NBAS: variants seen among roughly 807,000 people sequenced by gnomAD.
NBAS encodes the protein NAG/BC035112 fusion.
NBAS carries 219 observed loss-of-function variants against 302.5 expected under a neutral mutation model. The observed-to-expected ratio is 0.72, with a 90% CI of 0.65 to 0.81. The LOEUF is 0.81. NBAS is among the 30% of genes least tolerant of loss of function. The pLI is 0.00. For missense variants in NBAS, 2,932 were observed against 2,841.6 expected (o/e 1.03, Z -0.72); for synonymous variants, 1,118 against 1,021.6 (o/e 1.09, Z -1.80).
the NBAS span, among the ~76,000 whole-genome samples, chr2:14,961,131 C>A: frequency 6.6e-6 from 1 of 152,040 alleles, no homozygotes; most frequent in Non-Finnish European, 1.5e-5. Flanking sequence ...GTCAGCTGCC[C>A]CCTAGTTTCC....
chr2:14,780,067 A>G, the NBAS span, among the ~76,000 whole-genome samples: 1 of 152,194 alleles, frequency 6.6e-6, no homozygotes, highest in East Asian at 1.9e-4. Flanking sequence ...TGTGGAGAGC[A>G]GAACTGAAAG....
chr2:15,424,634 A>G (rs917046803), intron 22 of NBAS, among the ~76,000 whole-genome samples, 166 bp from the exon 23 acceptor site: 4 of 152,204 alleles, frequency 2.6e-5, no homozygotes, highest in African/African-American at 9.6e-5. Flanking sequence ...TTACAAGATA[A>G]ATGAGACTTT....
intron 9 of NBAS, among the ~76,000 whole-genome samples, chr2:15,524,632 C>T (rs7581919): frequency 0.97 from 147,114 of 152,238 alleles, 71,104 homozygotes; most frequent in East Asian, 1. Flanking sequence ...AGACGACAAC[C>T]AAATGAAATT....
At chr2:14,979,012 T>C in the NBAS span, among the ~76,000 whole-genome samples, 1 of 152,202 alleles carries the variant, frequency 6.6e-6, no homozygotes, top group Non-Finnish European at 1.5e-5. Flanking sequence ...CCATTAGTCA[T>C]AGCCCAGGTT....
chr2:15,009,693 C>CATATATATATAT, the NBAS span, among the ~76,000 whole-genome samples: 3,868 of 126,194 alleles, frequency 0.031, 109 homozygotes, highest in Middle Eastern at 0.052. Flanking sequence ...TGTAGGAATG[C>CATATATATATAT]ATATATATAT....
intron 6 of NBAS, among the ~76,000 whole-genome samples, chr2:15,547,336 T>TAA (rs1440685120): frequency 6.6e-6 from 1 of 152,168 alleles, no homozygotes; most frequent in East Asian, 1.9e-4. Context: ...GTTATTCCCA[T>TAA]AAAGATGAGT....
the NBAS span, among the ~76,000 whole-genome samples, chr2:15,003,169 G>T: frequency 6.6e-6 from 1 of 152,234 alleles, no homozygotes; most frequent in African/African-American, 2.4e-5. Flanking sequence ...CAGAAGTCAA[G>T]GCAGGCTTTT....
chr2:15,012,764 A>C, the NBAS span, among the ~76,000 whole-genome samples: 1 of 152,236 alleles, frequency 6.6e-6, no homozygotes, highest in East Asian at 1.9e-4. Flanking sequence ...TACTGAAAGA[A>C]AAAGAAAACT....
the NBAS span, among the ~76,000 whole-genome samples, chr2:15,029,438 A>G: frequency 6.6e-6 from 1 of 152,228 alleles, no homozygotes; most frequent in East Asian, 1.9e-4. Flanking sequence ...CTTGTTAGTA[A>G]CAAAAGAAAA....
intron 6 of NBAS, among the ~76,000 whole-genome samples, chr2:15,541,898 G>A (rs1310166962): frequency 1.7e-5 from 1 of 58,918 alleles, no homozygotes; most frequent in Non-Finnish European, 3.9e-5. Context: ...CGTCCGGGAG[G>A]GAGGTGGGGG....
At chr2:15,342,031 T>C (rs1672877356) in intron 35 of NBAS, among the ~76,000 whole-genome samples, 2 of 152,194 alleles carry the variant, frequency 1.3e-5, no homozygotes, top group African/African-American at 4.8e-5. Flanking sequence ...ATACCATGCT[T>C]CCAGTGATGT....
chr2:15,391,574 A>G (rs1675607025), intron 28 of NBAS, among the ~76,000 whole-genome samples: 1 of 152,156 alleles, frequency 6.6e-6, no homozygotes, highest in Non-Finnish European at 1.5e-5. Context: ...AGGTCCTAAT[A>G]GATGTATAAT....
chr2:15,039,034 T>C, the NBAS span, among the ~76,000 whole-genome samples: 1 of 152,204 alleles, frequency 6.6e-6, no homozygotes, highest in South Asian at 2.1e-4. Flanking sequence ...TAAATATTTG[T>C]AATGGTGACT....
the NBAS span, among the ~76,000 whole-genome samples, chr2:15,097,271 A>G: frequency 6.6e-6 from 1 of 152,288 alleles, no homozygotes; most frequent in Admixed American, 6.5e-5. Context: ...ACAAGGTGTC[A>G]AAGAAAGTTC....
chr2:15,096,002 G>A, the NBAS span, among the ~76,000 whole-genome samples: 1 of 152,334 alleles, frequency 6.6e-6, no homozygotes, highest in Non-Finnish European at 1.5e-5. Flanking sequence ...CCAGGCGCAA[G>A]CTCCCTTCGG....
intron 40 of NBAS, among the ~76,000 whole-genome samples, chr2:15,298,054 G>A (rs181350794): frequency 2.4e-4 from 37 of 152,214 alleles, no homozygotes; most frequent in Admixed American, 2.2e-3. Context: ...TTAATAAAGT[G>A]GTGAGGCTGG....
chr2:14,874,911 T>C, the NBAS span, among the ~76,000 whole-genome samples: 7 of 152,146 alleles, frequency 4.6e-5, no homozygotes, highest in African/African-American at 1.7e-4. Context: ...CTCATTTGGC[T>C]ATCACAATAG....
intron 6 of NBAS, among the ~76,000 whole-genome samples, chr2:15,543,542 C>T (rs1663954790): frequency 6.6e-6 from 1 of 152,216 alleles, no homozygotes; most frequent in Non-Finnish European, 1.5e-5. Context: ...ATTGAATTTA[C>T]AGTTCCATGT....
the NBAS span, among the ~76,000 whole-genome samples, chr2:14,989,703 AAAAC>A: frequency 6.6e-6 from 1 of 152,240 alleles, no homozygotes; most frequent in Non-Finnish European, 1.5e-5. Context: ...TAAATTCAGA[AAAAC>A]AAGCCTTCAG....
Sources: allele counts gnomAD v4.1 joint callset (sites outside exome capture counted in the v4.1 genomes callset), GRCh38; gene constraint gnomAD v4.1.1; transcripts MANE v1.5; gene names NCBI Gene and HGNC (gene_info 2026-07-23, HGNC 2026-07-21).